SLC27A4: variants seen among roughly 807,000 people sequenced by gnomAD.
SLC27A4 encodes long-chain fatty acid transport protein 4.
In SLC27A4, 33 loss-of-function variants were observed where a neutral mutation model predicts 64.4. That is an observed-to-expected ratio of 0.51 (90% CI 0.39 to 0.68). The LOEUF is 0.68. SLC27A4 is among the 30% of genes least tolerant of loss of function. The pLI, the probability that SLC27A4 is intolerant of heterozygous loss-of-function variation, is 0.00. For missense variants in SLC27A4, 824 were observed against 883.5 expected (o/e 0.93, Z 0.85); for synonymous variants, 377 against 370.0 (o/e 1.02, Z -0.22).
Position 128,343,239 on chromosome 9 carries a change from C to G in SLC27A4, c.107C>G (p.Ser36Cys), listed in dbSNP as rs760453701. ...GFSLLFLYLG[S>C]GGWRFIRVFI... Reference sequence around the variant, plus strand: ...TCCCTGTTGTTCCTCTACTTGGGATCTGGCGGCTGGCGCTTCATCCGGGTC... The same window carrying G: ...TCCCTGTTGTTCCTCTACTTGGGATGTGGCGGCTGGCGCTTCATCCGGGTC... Residue 36 changes from serine to cysteine, a missense_variant, in exon 2 of 13, where the codon TCT (serine) becomes TGT (cysteine). Coordinates refer to ENST00000300456, the MANE Select transcript of SLC27A4 (RefSeq NM_005094.4). The G allele has an allele frequency of 6.2e-7, 1 of 1,614,198 alleles. No homozygotes were observed. Among genetic ancestry groups the G allele is most frequent in the Non-Finnish European group, 8.5e-7 (1 of 1,180,022 alleles).
At chr9:128,360,223 C>T in intron 12 of SLC27A4, 111 bp from the exon 13 acceptor site, 2 of 1,227,486 alleles carry the variant, frequency 1.6e-6, no homozygotes, top group East Asian at 2.3e-5. Context: ...CCCCACTTCC[C>T]TCCCCTGTTT....
intron 12 of SLC27A4, among the ~76,000 whole-genome samples, chr9:128,357,093 C>CAA (rs1318748501): frequency 1.2e-4 from 11 of 94,718 alleles, no homozygotes; most frequent in African/African-American, 2.0e-4. Context: ...GACTCCGTCT[C>CAA]AAAAAAAAAA....
At chr9:128,340,899 G>A in intron 1 of SLC27A4, 61 bp downstream of exon 1, 2 of 543,904 alleles carry the variant, frequency 3.7e-6, no homozygotes, top group East Asian at 3.3e-5. Context: ...CGAGTCGGGC[G>A]AGGTGGCGGT....
Position 128,350,660 on chromosome 9 carries a change from AAC to A in SLC27A4, c.877+91_877+92del. On this transcript the variant is annotated intron_variant, in intron 6 of 12. Transcript: ENST00000300456. ...CCATCAGGCAGTGTGCTGCAGTAGAAACACACAGCTTTGGGCCAGGCGCAGTG... is the reference window on the plus strand; with the variant it reads ...CCATCAGGCAGTGTGCTGCAGTAGAAACACAGCTTTGGGCCAGGCGCAGTG... 2.7e-6 allele frequency: 3 copies of A among 1,093,040 alleles called. No homozygotes were observed. In the South Asian group the frequency reaches 3.9e-5, roughly 14 times the overall value. The allele number at this position is 1,093,040 out of a possible 1,614,324, so 67.7% of individuals were successfully genotyped here. A position where few individuals can be genotyped will look rare whatever the true frequency, so the allele number is the denominator to read the frequency against.
At position 128,345,569 on chromosome 9, in the gene SLC27A4, G is replaced by A. The variant is rs1317411084; in HGVS notation, c.556+20G>A. ...CCTCAGGTGAGCCCCAAGGGGGCGG[G>A]GGACAAGCAGGAACCCCATGGGATC... is the stretch of plus-strand genomic sequence containing the variant. On this transcript the variant is annotated intron_variant, in intron 3 of 12. Coordinates refer to ENST00000300456, the MANE Select transcript of SLC27A4 (RefSeq NM_005094.4). The surrounding 1 kb of genome is among the most constrained non-coding windows in gnomAD (Gnocchi z 4.1). The A allele has an allele frequency of 1.3e-6, 2 of 1,587,762 alleles. No homozygotes were observed. The highest frequency in any genetic ancestry group is 1.3e-5 in the African/African-American group (1 of 74,784).
At chr9:128,359,362 G>T (rs1204924686) in intron 12 of SLC27A4, among the ~76,000 whole-genome samples, 1 of 151,902 alleles carries the variant, frequency 6.6e-6, no homozygotes, top group Non-Finnish European at 1.5e-5. Context: ...AGTGGCCCAC[G>T]CCTGTAATCC....
At chr9:128,342,207 C>T in intron 1 of SLC27A4, 3 of 1,589,344 alleles carry the variant, frequency 1.9e-6, no homozygotes, top group African/African-American at 1.3e-5. Flanking sequence ...TCTCGCATGC[C>T]TCGCTCCGCT....
intron 4 of SLC27A4, among the ~76,000 whole-genome samples, 182 bp from the exon 5 acceptor site, chr9:128,350,130 A>T (rs567536935): frequency 2.8e-4 from 43 of 152,290 alleles, no homozygotes; most frequent in African/African-American, 1.0e-3. Context: ...CCCAGGAAAT[A>T]TTTGTTGGAA....
At chr9:128,344,973 C>CA (rs887362452) in intron 2 of SLC27A4, among the ~76,000 whole-genome samples, 182 bp from the exon 3 acceptor site, 3 of 152,076 alleles carry the variant, frequency 2.0e-5, no homozygotes, top group African/African-American at 2.4e-5. Flanking sequence ...TACGAACTCT[C>CA]AGTGTTATTG....
chr9:128,358,398 G>A (rs1252346082), intron 12 of SLC27A4, among the ~76,000 whole-genome samples: 2 of 152,144 alleles, frequency 1.3e-5, no homozygotes, highest in Non-Finnish European at 2.9e-5. Context: ...CGTGGCTCAC[G>A]CCTGTAATCC....
chr9:128,353,557 G>A lies in SLC27A4; in HGVS notation c.1324+16G>A, dbSNP rs199569450. On this transcript the variant is annotated intron_variant, in intron 9 of 12. Coordinates refer to ENST00000300456, the MANE Select transcript of SLC27A4 (RefSeq NM_005094.4). This position sits in a 1 kb window ranked among gnomAD's most constrained non-coding sequence, Gnocchi z 4.9. ...TGCCAGCCAGGTCTGCCACTTCGGG[G>A]TCAGAGAGGGAGGGGTTGGCCTGGG... The A allele has an allele frequency of 3.7e-6, 6 of 1,613,108 alleles. No homozygotes were observed. The highest frequency in any genetic ancestry group is 5.1e-6 in the Non-Finnish European group (6 of 1,179,442).
intron 6 of SLC27A4, 26 bp from the exon 7 acceptor site, chr9:128,352,612 C>G: frequency 6.3e-7 from 1 of 1,583,190 alleles, no homozygotes. Context: ...CTCGCTGACC[C>G]TCAGGGGCCA....
rs181252877 is a variant in SLC27A4 at position 128,358,941 on chromosome 9, C to G, written c.1775-1393C>G. Among the ~76,000 whole-genome samples the G allele has an allele frequency of 5.3e-5, 8 of 152,328 alleles. 1 individual carries two copies. The East Asian group carries it at 1.5e-3, about 29-fold the overall frequency. On this transcript the variant is annotated intron_variant, in intron 12 of 12. Coordinates refer to ENST00000300456, the MANE Select transcript of SLC27A4 (RefSeq NM_005094.4). ...CCCCGAGGCCTAGACTCACCCAGAACTCCTACAACATTGCTTTTGCCACCT... is the reference window on the plus strand; with the variant it reads ...CCCCGAGGCCTAGACTCACCCAGAAGTCCTACAACATTGCTTTTGCCACCT...
At chr9:128,346,730 G>T (rs1198332122) in intron 3 of SLC27A4, among the ~76,000 whole-genome samples, 2 of 151,582 alleles carry the variant, frequency 1.3e-5, no homozygotes, top group South Asian at 2.1e-4. Context: ...GGCCGGGTGT[G>T]GTGGCTCATG....
rs140864705 is a variant in SLC27A4 at position 128,351,451 on chromosome 9, G to T, written c.877+876G>T. 1.0e-3 allele frequency among the ~76,000 whole-genome samples: 154 copies of T among 152,042 alleles called. 1 individual carries two copies. Among genetic ancestry groups the T allele is most frequent in the African/African-American group, 3.5e-3 (147 of 41,464 alleles). ...CAAAAAAAATAAAAATAGGCTGGGC[G>T]CAGTGGCTCACGCCTGTAATCCCAA... On this transcript the variant is annotated intron_variant, in intron 6 of 12. Coordinates refer to ENST00000300456, the MANE Select transcript of SLC27A4 (RefSeq NM_005094.4).
rs551209137 is a variant in SLC27A4 at position 128,353,316 on chromosome 9, C to T, written c.1197+82C>T. The T allele has an allele frequency of 1.5e-5, 24 of 1,609,222 alleles. No homozygotes were observed. In the African/African-American group the frequency reaches 2.7e-4, roughly 18 times the overall value. On this transcript the variant is annotated intron_variant, in intron 8 of 12. Coordinates refer to ENST00000300456, the MANE Select transcript of SLC27A4 (RefSeq NM_005094.4). The surrounding 1 kb of genome is among the most constrained non-coding windows in gnomAD (Gnocchi z 4.9). ...TGGATGCAGAGGGGAGGGCAGAGTT[C>T]GAGCGTGAGAGTGTGGGTGCTGGAG...
rs940981222 is a variant in SLC27A4, at chr9:128,360,920, C to G, written c.*429C>G. The G allele has an allele frequency of 4.3e-6, 1 of 233,326 alleles. No homozygotes were observed. The highest frequency in any genetic ancestry group is 8.6e-6 in the Non-Finnish European group (1 of 115,982). The allele number at this position is 233,326 out of a possible 1,614,324, so 14.5% of individuals were successfully genotyped here. On this transcript the variant is annotated 3_prime_UTR_variant, in exon 13 of 13. Transcript: ENST00000300456. ...CATCCATCTGGTGGCCAAAGAGAAT[C>G]GTAGCCCCAGAGCTGCCCAAGTTCA...
At chr9:128,351,728 ATAAAT>A (rs781236496) in intron 6 of SLC27A4, among the ~76,000 whole-genome samples, 1 of 152,112 alleles carries the variant, frequency 6.6e-6, no homozygotes, top group East Asian at 1.9e-4. Flanking sequence ...AAATAAATAA[ATAAAT>A]TAATTTAATT....
In SLC27A4 at chr9:128,345,560, A is replaced by C. The variant is rs1564399303; in HGVS notation, c.556+11A>C. On this transcript the variant is annotated intron_variant, in intron 3 of 12. Transcript: ENST00000300456. The surrounding 1 kb of genome is among the most constrained non-coding windows in gnomAD (Gnocchi z 4.1). ...GCGAAATGGCCTCAGGTGAGCCCCA[A>C]GGGGGCGGGGGACAAGCAGGAACCC... 2 of 1,596,332 alleles carry C rather than the reference A, an allele frequency of 1.3e-6. No homozygotes were observed. Among genetic ancestry groups the C allele is most frequent in the Non-Finnish European group, 1.7e-6 (2 of 1,174,428 alleles).
Sources: gnomAD v4.1 joint callset for allele counts (sites outside exome capture counted in the v4.1 genomes callset) on GRCh38, gnomAD v4.1.1 for gene constraint, Gnocchi (gnomAD v3.1) non-coding constraint, MANE v1.5 for transcripts, NCBI Gene and HGNC (gene_info 2026-07-23, HGNC 2026-07-21) for gene names.